Variants in HMGCLL1 observed in about 807,000 individuals in gnomAD.
HMGCLL1 encodes the protein 3-hydroxymethyl-3-methylglutaryl-CoA lyase, cytoplasmic.
In HMGCLL1, 36 loss-of-function variants were observed where a neutral mutation model predicts 39.1. That is an observed-to-expected ratio of 0.92 (90% CI 0.71 to 1.22). The LOEUF (loss-of-function observed/expected upper bound fraction) is 1.22. Ranked by LOEUF, HMGCLL1 falls within the 50% of genes most tolerant of loss-of-function variation. The pLI is 0.00. For missense variants in HMGCLL1, 451 were observed against 416.5 expected (o/e 1.08, Z -0.72); for synonymous variants, 149 against 144.0 (o/e 1.03, Z -0.25).
chr6:55,597,781 T>C, the HMGCLL1 span, among the ~76,000 whole-genome samples: 5 of 152,168 alleles, frequency 3.3e-5, no homozygotes, highest in Non-Finnish European at 7.4e-5. Context: ...GAAATATTAT[T>C]ATGGCCAGCA....
intron 5 of HMGCLL1, among the ~76,000 whole-genome samples, chr6:55,503,581 A>G (rs980355958): frequency 6.6e-6 from 1 of 151,590 alleles, no homozygotes; most frequent in Non-Finnish European, 1.5e-5. Context: ...TAAGTCCTCC[A>G]TAGTCCCTCT....
the HMGCLL1 span, among the ~76,000 whole-genome samples, chr6:55,661,595 T>C: frequency 6.6e-6 from 1 of 152,092 alleles, no homozygotes; most frequent in South Asian, 2.1e-4. Context: ...ATCAGTACCA[T>C]GCTCTTTTGG....
the HMGCLL1 span, among the ~76,000 whole-genome samples, chr6:55,665,057 A>G: frequency 6.6e-6 from 1 of 151,872 alleles, no homozygotes; most frequent in East Asian, 2.0e-4. Flanking sequence ...GGTTCAGCAC[A>G]TACTCAAGGA....
chr6:55,623,157 C>T, the HMGCLL1 span, among the ~76,000 whole-genome samples: 1 of 151,942 alleles, frequency 6.6e-6, no homozygotes, highest in African/African-American at 2.4e-5. Context: ...TAGCCTGGCT[C>T]AACTAAAATT....
chr6:55,504,226 T>C (rs1767040982), intron 5 of HMGCLL1, among the ~76,000 whole-genome samples: 1 of 151,732 alleles, frequency 6.6e-6, no homozygotes, highest in Non-Finnish European at 1.5e-5. Flanking sequence ...TTGCTCTTTG[T>C]AGATTCCCTG....
intron 1 of HMGCLL1, among the ~76,000 whole-genome samples, chr6:55,548,015 T>C (rs928076695): frequency 1.2e-4 from 19 of 152,050 alleles, no homozygotes; most frequent in African/African-American, 4.6e-4. Flanking sequence ...AGAATACCTA[T>C]GTGCCAACGT....
chr6:55,461,133 T>C (rs887374485), intron 7 of HMGCLL1, among the ~76,000 whole-genome samples: 3 of 151,992 alleles, frequency 2.0e-5, no homozygotes, highest in African/African-American at 7.2e-5. Flanking sequence ...GAGTGCTTTG[T>C]TGACAAGCAA....
At chr6:55,639,652 A>G in the HMGCLL1 span, among the ~76,000 whole-genome samples, 1 of 152,100 alleles carries the variant, frequency 6.6e-6, no homozygotes, top group Middle Eastern at 3.2e-3. Flanking sequence ...AAGTGTTTTA[A>G]GGTTATAATC....
At chr6:55,587,381 A>G in the HMGCLL1 span, among the ~76,000 whole-genome samples, 1 of 152,022 alleles carries the variant, frequency 6.6e-6, no homozygotes, top group African/African-American at 2.4e-5. Context: ...AGATTTTGTC[A>G]CCACCAGGCC....
At chr6:55,572,349 T>C (rs1311210718) in intron 1 of HMGCLL1, among the ~76,000 whole-genome samples, 1 of 152,158 alleles carries the variant, frequency 6.6e-6, no homozygotes, top group African/African-American at 2.4e-5. Flanking sequence ...ATAAAGGAAG[T>C]ACTTTAACAA....
chr6:55,517,771 C>T (rs1215205210), intron 3 of HMGCLL1, among the ~76,000 whole-genome samples: 4 of 151,974 alleles, frequency 2.6e-5, no homozygotes, highest in East Asian at 3.9e-4. Context: ...AAATTTAATG[C>T]TTTCAATTAG....
At chr6:55,493,657 C>T (rs1007028183) in intron 7 of HMGCLL1, among the ~76,000 whole-genome samples, 2 of 152,176 alleles carry the variant, frequency 1.3e-5, no homozygotes, top group East Asian at 1.9e-4. Context: ...TCTTTTCACA[C>T]ACGTGCACAC....
intron 1 of HMGCLL1, among the ~76,000 whole-genome samples, chr6:55,570,302 T>C (rs1771411606): frequency 6.6e-6 from 1 of 152,194 alleles, no homozygotes; most frequent in Non-Finnish European, 1.5e-5. Context: ...TACTGAACAG[T>C]CCTATTATCT....
the HMGCLL1 span, among the ~76,000 whole-genome samples, chr6:55,589,892 G>A: frequency 4.6e-5 from 7 of 152,194 alleles, no homozygotes; most frequent in Non-Finnish European, 7.4e-5. Context: ...ACTGCTCAAC[G>A]AAATAAAAGA....
rs1325157000 is a variant in HMGCLL1, at chr6:55,434,908, T to C, written c.*754A>G. 1 of 10,858 alleles carries C rather than the reference T, an allele frequency of 9.2e-5. No individual in the cohort carries two copies. Among genetic ancestry groups the C allele is most frequent in the Non-Finnish European group, 3.3e-4 (1 of 3,046 alleles). The allele number at this position is 10,858 out of a possible 1,614,324, so 0.7% of individuals were successfully genotyped here. A position where few individuals can be genotyped will look rare whatever the true frequency, so the allele number is the denominator to read the frequency against. ...TATTCTTATCACTGCAATTTAGACATCAGGACAAAAAAAAATAGCTTACAA... is the reference window on the plus strand; with the variant it reads ...TATTCTTATCACTGCAATTTAGACACCAGGACAAAAAAAAATAGCTTACAA... On this transcript the variant is annotated 3_prime_UTR_variant, in exon 9 of 9. Transcript: ENST00000274901.
At chr6:55,507,462 T>A (rs929927436) in intron 5 of HMGCLL1, among the ~76,000 whole-genome samples, 17 of 150,168 alleles carry the variant, frequency 1.1e-4, no homozygotes, top group Non-Finnish European at 4.4e-5. Flanking sequence ...ATGTTCCCAA[T>A]GATCTGGGCT....
intron 7 of HMGCLL1, among the ~76,000 whole-genome samples, chr6:55,479,561 T>C (rs1373949967): frequency 6.6e-6 from 1 of 151,666 alleles, no homozygotes; most frequent in Non-Finnish European, 1.5e-5. Context: ...GTGATCTTCA[T>C]GTAATATTAT....
chr6:55,577,143 A>G (rs541027259), intron 1 of HMGCLL1: 1 of 1,604,210 alleles, frequency 6.2e-7, no homozygotes, highest in Non-Finnish European at 8.5e-7. Context: ...GGCTGAAAGC[A>G]GTGAAGGTTT....
intron 7 of HMGCLL1, 132 bp from the exon 8 acceptor site, chr6:55,439,691 G>A (rs1345885044): frequency 1.2e-5 from 11 of 935,278 alleles, no homozygotes; most frequent in South Asian, 1.8e-5. Flanking sequence ...CACTTACCCA[G>A]TGGCCTCTAG....
Sources: gnomAD v4.1 joint callset for allele counts (sites outside exome capture counted in the v4.1 genomes callset) on GRCh38, gnomAD v4.1.1 for gene constraint, MANE v1.5 for transcripts, NCBI Gene and HGNC (gene_info 2026-07-23, HGNC 2026-07-21) for gene names.